The following TMEM71 variants were observed in gnomAD, a reference collection of about 807,000 sequenced individuals.
TMEM71 encodes transmembrane protein 71.
A neutral mutation model predicts 38.0 loss-of-function variants in TMEM71; 44 were observed. The observed-to-expected ratio is 1.16, with a 90% CI of 0.91 to 1.49. The LOEUF is 1.49. Among genes scored for constraint, TMEM71 ranks in the 40% most tolerant of loss-of-function variants. The pLI is 0.00. For synonymous variants in TMEM71, 133 were observed against 122.5 expected (o/e 1.09, Z -0.56); for missense variants, 367 against 348.6 (o/e 1.05, Z -0.42).
At chr8:132,723,086 T>A (rs1826942487) in intron 6 of TMEM71, among the ~76,000 whole-genome samples, 1 of 152,236 alleles carries the variant, frequency 6.6e-6, no homozygotes, top group African/African-American at 2.4e-5. Flanking sequence ...GAATGAGGAT[T>A]GAGTCAGCTA....
chr8:132,752,993 T>C (rs1258574623), intron 3 of TMEM71, among the ~76,000 whole-genome samples: 1 of 152,042 alleles, frequency 6.6e-6, no homozygotes, highest in African/African-American at 2.4e-5. Context: ...GTGACAATAG[T>C]AACAGAGCCA....
intron 9 of TMEM71, among the ~76,000 whole-genome samples, 160 bp downstream of exon 9, chr8:132,713,835 T>C (rs1379755293): frequency 6.6e-6 from 1 of 152,242 alleles, no homozygotes; most frequent in East Asian, 1.9e-4. Context: ...GGCAGGATGA[T>C]AATACTATTA....
chr8:132,736,830 CAA>C (rs34959336), intron 5 of TMEM71, among the ~76,000 whole-genome samples: 46,250 of 147,548 alleles, frequency 0.31, 7,256 homozygotes, highest in Non-Finnish European at 0.34. Flanking sequence ...GACTCTGTCT[CAA>C]AAAAAAAAAA....
intron 5 of TMEM71, among the ~76,000 whole-genome samples, chr8:132,733,449 A>G (rs1450383161): frequency 6.6e-6 from 1 of 152,206 alleles, no homozygotes; most frequent in Non-Finnish European, 1.5e-5. Context: ...CTGCGACTTC[A>G]AGAGAGGAGA....
chr8:132,728,974 T>G (rs1220019140), intron 5 of TMEM71, among the ~76,000 whole-genome samples: 1 of 152,238 alleles, frequency 6.6e-6, no homozygotes, highest in Non-Finnish European at 1.5e-5. Context: ...AGAGGCTATT[T>G]CATACACACA....
At chr8:132,709,617 G>A (rs1210543295), downstream of TMEM71, among the ~76,000 whole-genome samples, 1 of 152,022 alleles carries the variant, frequency 6.6e-6, no homozygotes, top group Non-Finnish European at 1.5e-5. Flanking sequence ...AATGATGGAA[G>A]TAAGAAATCA....
chr8:132,769,818 T>C, the TMEM71 span, among the ~76,000 whole-genome samples: 2 of 152,236 alleles, frequency 1.3e-5, no homozygotes, highest in Non-Finnish European at 2.9e-5. Flanking sequence ...ATTTTTTAAA[T>C]AGCAGCACAA....
chr8:132,762,169 T>G (rs1340877031), upstream of TMEM71, among the ~76,000 whole-genome samples: 2 of 152,244 alleles, frequency 1.3e-5, no homozygotes, highest in Non-Finnish European at 2.9e-5. Context: ...CATTGCTGAC[T>G]CTCTGCTGCT....
At chr8:132,755,844 G>A (rs980662623) in intron 3 of TMEM71, among the ~76,000 whole-genome samples, 3 of 152,034 alleles carry the variant, frequency 2.0e-5, no homozygotes, top group Admixed American at 1.3e-4. Flanking sequence ...ATCTCTACAA[G>A]CTAAGTATCA....
chr8:132,733,026 C>T (rs143520900), intron 5 of TMEM71, among the ~76,000 whole-genome samples: 2 of 152,328 alleles, frequency 1.3e-5, no homozygotes, highest in African/African-American at 2.4e-5. Context: ...GTGAGAATCA[C>T]GTGTCTGTAT....
chr8:132,722,951 G>A (rs1826936911), intron 6 of TMEM71, among the ~76,000 whole-genome samples: 1 of 152,068 alleles, frequency 6.6e-6, no homozygotes, highest in African/African-American at 2.4e-5. Context: ...AAACCTAAAG[G>A]AGAATATAAA....
intron 7 of TMEM71, among the ~76,000 whole-genome samples, chr8:132,714,833 A>C (rs1479890556): frequency 6.6e-6 from 1 of 152,246 alleles, no homozygotes; most frequent in Non-Finnish European, 1.5e-5. Flanking sequence ...ACTTCTATCC[A>C]TAATATATAA....
At chr8:132,752,031 T>G (rs776797783) in intron 3 of TMEM71, 34 bp from the exon 4 acceptor site, 188 of 1,546,816 alleles carry the variant, frequency 1.2e-4, no homozygotes, top group Non-Finnish European at 1.6e-4. Context: ...TTTAAATCTC[T>G]ATTCAGTACA....
chr8:132,764,155 T>A (rs920042126), upstream of TMEM71, among the ~76,000 whole-genome samples: 9 of 152,238 alleles, frequency 5.9e-5, no homozygotes, highest in African/African-American at 2.2e-4. Flanking sequence ...ATGTAGCTCT[T>A]AGGCTTATCA....
rs761074339 is a variant in TMEM71, at chr8:132,758,849, G to A, written c.31C>T (p.Pro11Ser). The change falls in exon 2 of 10, where the codon CCA (proline) becomes TCA (serine). Residue 11 changes from proline (P) to serine (S), a missense_variant. Pro to Ser is a moderately conservative substitution (Grantham distance 74, BLOSUM62 -1). Coordinates refer to ENST00000677595, the MANE Select transcript of TMEM71 (RefSeq NM_001382403.1). ...GTTCTTCTACATTTACTTGCTACTG[G>A]TGTTGACATCAGTTGAGATATTCGG... The part of the protein sequence containing the change: MYRISQLMST[P>S]VASSSRLERE... 4 of 1,613,256 alleles carry A rather than the reference G, an allele frequency of 2.5e-6. No individual in the cohort carries two copies. Among genetic ancestry groups the A allele is most frequent in the Non-Finnish European group, 2.5e-6 (3 of 1,179,278 alleles).
downstream of TMEM71, among the ~76,000 whole-genome samples, chr8:132,708,731 A>T (rs1826130697): frequency 6.6e-6 from 1 of 152,220 alleles, no homozygotes; most frequent in South Asian, 2.1e-4. Context: ...TAAAATGGAA[A>T]GATTATTCTG....
chr8:132,733,395 G>C (rs1827569220), intron 5 of TMEM71, among the ~76,000 whole-genome samples: 1 of 152,180 alleles, frequency 6.6e-6, no homozygotes, highest in African/African-American at 2.4e-5. Flanking sequence ...TATAGAGAAA[G>C]TGGGTCAGTA....
At chr8:132,746,453 A>G (rs1196862710) in intron 5 of TMEM71, among the ~76,000 whole-genome samples, 2 of 18,748 alleles carry the variant, frequency 1.1e-4, no homozygotes, top group Non-Finnish European at 1.4e-4. Context: ...ATACATATAC[A>G]TATATATATA....
chr8:132,736,418 T>C (rs1013652409), intron 5 of TMEM71, among the ~76,000 whole-genome samples: 2 of 151,688 alleles, frequency 1.3e-5, no homozygotes, highest in Non-Finnish European at 2.9e-5. Flanking sequence ...GGGTAGGAGA[T>C]GGGGAGATGT....
Sources: gnomAD v4.1 joint callset for allele counts (sites outside exome capture counted in the v4.1 genomes callset) on GRCh38, gnomAD v4.1.1 for gene constraint, MANE v1.5 for transcripts, NCBI Gene and HGNC (gene_info 2026-07-23, HGNC 2026-07-21) for gene names.